Variants in PCNX1 observed in about 807,000 individuals in gnomAD.
PCNX1 encodes pecanex-like protein 1.
In PCNX1, 78 loss-of-function variants were observed where a neutral mutation model predicts 242.2. The observed-to-expected ratio is 0.32, with a 90% CI of 0.27 to 0.39. PCNX1 has a LOEUF of 0.39. Ranked by LOEUF, PCNX1 falls within the 10% of genes least tolerant of loss-of-function variation. PCNX1 has a pLI of 1.00. For synonymous variants in PCNX1, 1,024 were observed against 1,032.9 expected, an observed-to-expected ratio of 0.99 and a Z score of 0.17; for missense variants, 2,581 against 2,856.5, an observed-to-expected ratio of 0.90 and a Z score of 2.20.
At chr14:70,915,362 G>A (rs2056110937) in intron 1 of PCNX1, among the ~76,000 whole-genome samples, 1 of 152,062 alleles carries the variant, frequency 6.6e-6, no homozygotes, top group South Asian at 2.1e-4. Flanking sequence ...TGATTTATTT[G>A]TCTAAATCAG....
intron 1 of PCNX1, among the ~76,000 whole-genome samples, chr14:70,934,041 A>G (rs375147722): frequency 2.0e-5 from 3 of 152,240 alleles, no homozygotes; most frequent in Admixed American, 6.5e-5. Context: ...GGAAAGGAGT[A>G]TTGTATAAAA....
At chr14:70,980,320 C>T (rs2058801951) in intron 6 of PCNX1, among the ~76,000 whole-genome samples, 2 of 150,582 alleles carry the variant, frequency 1.3e-5, no homozygotes, top group African/African-American at 4.9e-5. Context: ...TATATTAGCC[C>T]TTGTTTTTCT....
At chr14:71,033,112 A>G (rs972169259) in intron 16 of PCNX1, among the ~76,000 whole-genome samples, 1 of 152,246 alleles carries the variant, frequency 6.6e-6, no homozygotes, top group Non-Finnish European at 1.5e-5. Flanking sequence ...ACCACAAACA[A>G]TAGCACTTAA....
At chr14:71,024,910 T>C (rs1202953723) in intron 13 of PCNX1, among the ~76,000 whole-genome samples, 1 of 152,204 alleles carries the variant, frequency 6.6e-6, no homozygotes, top group Non-Finnish European at 1.5e-5. Context: ...TACTCTACTG[T>C]AATGTTACTG....
At chr14:71,073,122 GTC>G (rs1030375060) in intron 26 of PCNX1, among the ~76,000 whole-genome samples, 1 of 152,118 alleles carries the variant, frequency 6.6e-6, no homozygotes, top group Admixed American at 6.5e-5. Context: ...GTGAAACCCC[GTC>G]TCTACTAAAA....
chr14:71,062,547 A>T (rs1250422019), intron 26 of PCNX1, among the ~76,000 whole-genome samples: 1 of 152,014 alleles, frequency 6.6e-6, no homozygotes, highest in African/African-American at 2.4e-5. Context: ...ATAAGGAAAA[A>T]ATATTTTTAT....
intron 30 of PCNX1, among the ~76,000 whole-genome samples, chr14:71,090,030 G>C (rs2062089543): frequency 1.3e-5 from 2 of 152,074 alleles, no homozygotes; most frequent in African/African-American, 4.8e-5. Context: ...TCATATTATT[G>C]CAATTCCTGC....
intron 23 of PCNX1, 138 bp from the exon 24 acceptor site, chr14:71,051,745 T>G (rs889426292): frequency 3.8e-5 from 29 of 763,062 alleles, no homozygotes; most frequent in Non-Finnish European, 5.7e-5. Context: ...CCCAGTGATA[T>G]ACCTTCTTTT....
intron 1 of PCNX1, among the ~76,000 whole-genome samples, chr14:70,917,017 A>C (rs1292989244): frequency 6.6e-6 from 1 of 151,992 alleles, no homozygotes; most frequent in Admixed American, 6.6e-5. Flanking sequence ...ATCTCAGGAA[A>C]TCACTCTCTC....
chr14:70,965,171 C>T (rs2058339568), intron 3 of PCNX1, among the ~76,000 whole-genome samples: 2 of 152,136 alleles, frequency 1.3e-5, no homozygotes, highest in African/African-American at 4.8e-5. Flanking sequence ...TTCTACCCAT[C>T]ATTTCCATTC....
intron 2 of PCNX1, among the ~76,000 whole-genome samples, chr14:70,949,433 A>G (rs1456640379): frequency 6.6e-6 from 1 of 151,628 alleles, no homozygotes; most frequent in Non-Finnish European, 1.5e-5. Context: ...ATACACGTAT[A>G]TATGTGTATA....
rs750538151 is a variant in PCNX1 at position 70,977,437 on chromosome 14, G to A, written c.1100G>A (p.Ser367Asn). 6.2e-7 allele frequency: 1 copy of A among 1,614,080 alleles called. No homozygotes were observed. The highest frequency in any genetic ancestry group is 8.5e-7 in the Non-Finnish European group (1 of 1,180,028). The change falls in exon 6 of 36, where the codon AGC becomes AAC. Residue 367 changes from serine to asparagine, a missense_variant. By Grantham distance (46) the Ser-to-Asn change is conservative. Transcript: ENST00000304743. ...AGCAAACCTTTGAAAGCAGAGAAAA[G>A]CATGGACAGCTTGAGGAGCCTGAGC... Reference protein sequence around the residue: ...GKSKPLKAEKSMDSLRSLSTR... With the variant: ...GKSKPLKAEKNMDSLRSLSTR...
intron 32 of PCNX1, 122 bp downstream of exon 32, chr14:71,103,791 A>G: frequency 1.3e-6 from 1 of 763,532 alleles, no homozygotes; most frequent in Non-Finnish European, 2.1e-6. Context: ...ATATGAACCC[A>G]TTATTTCTGA....
chr14:70,907,674 G>T lies in PCNX1; in HGVS notation c.-177G>T. 3.0e-6 allele frequency: 2 copies of T among 665,946 alleles called. No individual in the cohort carries two copies. Among genetic ancestry groups the T allele is most frequent in the Non-Finnish European group, 4.0e-6 (2 of 504,454 alleles). 41.3% of individuals were successfully genotyped at this position (665,946 alleles called of 1,614,324 possible). ...CTCTCGGGTCTCCTCCTCCTCGTTT[G>T]CTGCCTCCTCCTCCTCCTGCAGCAG... On this transcript the variant is annotated 5_prime_UTR_variant, in exon 1 of 36. Transcript: ENST00000304743.
At chr14:70,951,705 C>A (rs2057787135) in intron 2 of PCNX1, among the ~76,000 whole-genome samples, 1 of 151,994 alleles carries the variant, frequency 6.6e-6, no homozygotes, top group Admixed American at 6.6e-5. Flanking sequence ...TATTCTCATG[C>A]ATATACTTAC....
chr14:71,064,895 G>C (rs1244715035), intron 26 of PCNX1, among the ~76,000 whole-genome samples: 5 of 152,152 alleles, frequency 3.3e-5, no homozygotes, highest in Non-Finnish European at 4.4e-5. Flanking sequence ...CTGTTAGTTT[G>C]CTGAGAATGA....
intron 24 of PCNX1, among the ~76,000 whole-genome samples, chr14:71,053,067 CT>C (rs1182225486): frequency 1.3e-5 from 2 of 152,070 alleles, no homozygotes; most frequent in Admixed American, 6.6e-5. Context: ...GTAATCTCAC[CT>C]TTTAAACAGT....
chr14:71,077,799 A>T (rs2061755896), intron 28 of PCNX1, among the ~76,000 whole-genome samples: 1 of 152,228 alleles, frequency 6.6e-6, no homozygotes, highest in African/African-American at 2.4e-5. Flanking sequence ...TACTTCGCGT[A>T]CTGTTCTCAA....
intron 11 of PCNX1, among the ~76,000 whole-genome samples, chr14:71,018,010 T>C (rs1376703067): frequency 2.0e-5 from 3 of 152,194 alleles, no homozygotes; most frequent in African/African-American, 4.8e-5. Context: ...TGTACAAAGT[T>C]TTGAAGACAG....
Sources: gnomAD v4.1 joint callset for allele counts (sites outside exome capture counted in the v4.1 genomes callset) on GRCh38, gnomAD v4.1.1 for gene constraint, MANE v1.5 for transcripts, NCBI Gene and HGNC (gene_info 2026-07-23, HGNC 2026-07-21) for gene names.